The following COL13A1 variants were observed in gnomAD, a reference collection of about 807,000 sequenced individuals.
COL13A1 encodes the protein collagen type XIII alpha 1 chain, also known as collagen alpha-1(XIII) chain.
COL13A1 carries 89 observed loss-of-function variants against 130.9 expected under a neutral mutation model. That is an observed-to-expected ratio of 0.68 (90% confidence interval 0.57 to 0.81). The LOEUF is 0.81. Ranked by LOEUF, COL13A1 falls within the 30% of genes least tolerant of loss-of-function variation. The pLI is 0.00. For synonymous variants in COL13A1, 402 were observed against 341.6 expected (o/e 1.18, Z -1.95); for missense variants, 879 against 934.6 (o/e 0.94, Z 0.78).
At position 69,880,533 on chromosome 10, in the gene COL13A1, A is replaced by G. The variant is rs778302413; in HGVS notation, c.493A>G (p.Ile165Val). The change falls in exon 7 of 41, where the codon ATT becomes GTT. Residue 165 changes from isoleucine to valine, a missense_variant. Around this residue, in one of 3 missense-constraint regions of COL13A1, gnomAD observed 715 missense variants for 721.0 expected, o/e 0.99. Coordinates refer to ENST00000645393, the MANE Select transcript of COL13A1 (RefSeq NM_001368882.1). ...GSPGDAGLSI[I>V]GPRGPPGQPG... ...CCCCGGAGACGCTGGGCTGTCCATC[A>G]TTGGTCCCCGCGGCCCCCCTGTAAG... 7 of 1,612,670 alleles carry G rather than the reference A, an allele frequency of 4.3e-6. No homozygotes were observed. The highest frequency in any genetic ancestry group is 5.9e-6 in the Non-Finnish European group (7 of 1,179,540).
intron 37 of COL13A1, 117 bp downstream of exon 37, chr10:69,945,841 G>A: frequency 3.1e-6 from 4 of 1,281,942 alleles, no homozygotes; most frequent in Non-Finnish European, 4.4e-6. Context: ...GGGAGGCCGA[G>A]GCGGGCGCAT....
chr10:69,802,734 G>T lies in COL13A1; in HGVS notation c.294+17G>T, dbSNP rs1840366066. The T allele has an allele frequency of 1.9e-6, 3 of 1,608,602 alleles. No individual in the cohort carries two copies. The African/African-American group carries it at 4.0e-5, about 22-fold the overall frequency. ...CTGGACGAGGTCTGTGCTCTTTGTT[G>T]CTGGCTTTTATCCCTCCCCGCGGCG... On this transcript the variant is annotated intron_variant, in intron 1 of 40. Transcript: ENST00000645393.
chr10:69,882,672 T>C (rs2060256507), intron 7 of COL13A1, among the ~76,000 whole-genome samples: 1 of 152,224 alleles, frequency 6.6e-6, no homozygotes, highest in African/African-American at 2.4e-5. Context: ...CTTGCCTCAA[T>C]ACCCTGTTCC....
intron 12 of COL13A1, among the ~76,000 whole-genome samples, chr10:69,895,206 T>C (rs527394611): frequency 1.0e-3 from 159 of 152,316 alleles, no homozygotes; most frequent in Non-Finnish European, 1.6e-3. Flanking sequence ...CGGTGGCTCC[T>C]GTTCAGGGCT....
chr10:69,878,811 C>T (rs1210278690), intron 6 of COL13A1, among the ~76,000 whole-genome samples: 1 of 152,228 alleles, frequency 6.6e-6, no homozygotes, highest in Non-Finnish European at 1.5e-5. Context: ...GTTCACTCTG[C>T]AGGTGAGGAA....
chr10:69,821,993 C>A (rs1261851270), intron 1 of COL13A1, among the ~76,000 whole-genome samples: 1 of 152,172 alleles, frequency 6.6e-6, no homozygotes, highest in Admixed American at 6.5e-5. Flanking sequence ...ACTGTCCCTG[C>A]CCAGGGGTCC....
At chr10:69,870,058 C>A (rs901098640) in intron 3 of COL13A1, among the ~76,000 whole-genome samples, 1 of 152,102 alleles carries the variant, frequency 6.6e-6, no homozygotes, top group African/African-American at 2.4e-5. Flanking sequence ...TGCTGTGTAA[C>A]CTTAGCAAGT....
At chr10:69,820,821 G>A (rs997140640) in intron 1 of COL13A1, among the ~76,000 whole-genome samples, 4 of 152,060 alleles carry the variant, frequency 2.6e-5, no homozygotes, top group Non-Finnish European at 4.4e-5. Context: ...CAGGTGGAGC[G>A]GGCTTTGTGC....
intron 5 of COL13A1, among the ~76,000 whole-genome samples, chr10:69,875,416 G>A (rs1015200119): frequency 6.6e-6 from 1 of 152,208 alleles, no homozygotes; most frequent in Non-Finnish European, 1.5e-5. Context: ...ACCTAATAAA[G>A]TTGCATGAAC....
intron 17 of COL13A1, among the ~76,000 whole-genome samples, chr10:69,916,651 A>G (rs1589496437): frequency 6.6e-6 from 1 of 152,286 alleles, no homozygotes; most frequent in South Asian, 2.1e-4. Context: ...GAGCGACCCC[A>G]TGCTGTCCCA....
chr10:69,897,235 G>A (rs1589374241), intron 13 of COL13A1, among the ~76,000 whole-genome samples: 1 of 152,172 alleles, frequency 6.6e-6, no homozygotes, highest in Admixed American at 6.5e-5. Context: ...TTTAGAAGAG[G>A]GTAGAAAATC....
chr10:69,881,663 TG>T (rs2060153150), intron 7 of COL13A1, among the ~76,000 whole-genome samples: 1 of 152,204 alleles, frequency 6.6e-6, no homozygotes, highest in Non-Finnish European at 1.5e-5. Context: ...TGAGTGGCCC[TG>T]GGCTGAGTAG....
intron 1 of COL13A1, among the ~76,000 whole-genome samples, chr10:69,820,497 T>C (rs1845787888): frequency 6.6e-6 from 1 of 152,226 alleles, no homozygotes; most frequent in African/African-American, 2.4e-5. Flanking sequence ...GGCAGGTTCG[T>C]ACAGTCCCTT....
intron 40 of COL13A1, among the ~76,000 whole-genome samples, chr10:69,957,867 G>T (rs1266624164): frequency 1.3e-5 from 2 of 152,042 alleles, no homozygotes; most frequent in Admixed American, 6.5e-5. Flanking sequence ...TTGTCTCAAG[G>T]TTCATCCTCA....
chr10:69,862,205 T>C (rs976830711), intron 2 of COL13A1, among the ~76,000 whole-genome samples: 3 of 152,208 alleles, frequency 2.0e-5, no homozygotes, highest in Non-Finnish European at 4.4e-5. Context: ...GTTCTGTGAA[T>C]AGCACTAGAC....
At chr10:69,899,238 A>T (rs796168600) in intron 14 of COL13A1, among the ~76,000 whole-genome samples, 8 of 152,294 alleles carry the variant, frequency 5.3e-5, no homozygotes, top group African/African-American at 1.9e-4. Context: ...CAGCCTTCTC[A>T]TCTATAAAAT....
At chr10:69,837,546 C>T (rs925789581) in intron 2 of COL13A1, among the ~76,000 whole-genome samples, 12 of 152,244 alleles carry the variant, frequency 7.9e-5, no homozygotes, top group East Asian at 3.8e-4. Context: ...TGATTGGACC[C>T]TGAAGCCACC....
chr10:69,856,656 G>A (rs1418636324), intron 2 of COL13A1, among the ~76,000 whole-genome samples: 1 of 152,232 alleles, frequency 6.6e-6, no homozygotes, highest in Non-Finnish European at 1.5e-5. Context: ...AAGCCGTGAT[G>A]TGCGTACTGC....
chr10:69,818,157 C>A (rs547180621), intron 1 of COL13A1, among the ~76,000 whole-genome samples: 1 of 152,168 alleles, frequency 6.6e-6, no homozygotes, highest in African/African-American at 2.4e-5. Context: ...GTGCTCTTGC[C>A]GCTGTTATGT....
Sources: gnomAD v4.1 joint callset for allele counts (sites outside exome capture counted in the v4.1 genomes callset) on GRCh38, gnomAD v4.1.1 for gene constraint, gnomAD v4.1.1 regional missense constraint, MANE v1.5 for transcripts, NCBI Gene and HGNC (gene_info 2026-07-23, HGNC 2026-07-21) for gene names.